ELK3: variants seen among roughly 807,000 people sequenced by gnomAD.
The protein encoded by ELK3 is ETS transcription factor ELK3.
Under a neutral mutation model 28.9 loss-of-function variants are expected in ELK3, and 10 were observed. The ratio of observed to expected loss-of-function variants is 0.35; its 90% CI spans 0.21 to 0.59. The LOEUF is 0.59. Among genes scored for constraint, ELK3 ranks in the 20% least tolerant of loss-of-function variants. ELK3 has a pLI of 0.82. For missense variants in ELK3, 463 were observed against 517.3 expected (o/e 0.90, Z 1.02); for synonymous variants, 272 against 243.5 (o/e 1.12, Z -1.09).
At chr12:96,231,313 G>A (rs550925864) in intron 2 of ELK3, among the ~76,000 whole-genome samples, 63 of 152,174 alleles carry the variant, frequency 4.1e-4, no homozygotes, top group Non-Finnish European at 5.3e-4. Context: ...TTATTAACAA[G>A]CTAACAAGTC....
chr12:96,246,586 A>G (rs1356839257), intron 2 of ELK3, among the ~76,000 whole-genome samples: 2 of 152,150 alleles, frequency 1.3e-5, no homozygotes, highest in African/African-American at 4.8e-5. Flanking sequence ...GCTTGAGTCC[A>G]GGAGGTTGAG....
chr12:96,221,885 A>C (rs978903256), intron 1 of ELK3, among the ~76,000 whole-genome samples: 4 of 152,132 alleles, frequency 2.6e-5, no homozygotes, highest in African/African-American at 9.7e-5. Flanking sequence ...CTTTCCTTTA[A>C]TTGAGAGGAG....
intron 2 of ELK3, 73 bp from the exon 3 acceptor site, chr12:96,246,867 T>TA: frequency 1.4e-6 from 2 of 1,458,494 alleles, no homozygotes; most frequent in Non-Finnish European, 1.8e-6. Context: ...CAGCGACATT[T>TA]ACCATTATCA....
At chr12:96,241,426 TTGTGTGTGTGTGTGTGTGTGTG>T (rs57658963) in intron 2 of ELK3, among the ~76,000 whole-genome samples, 42 of 146,446 alleles carry the variant, frequency 2.9e-4, no homozygotes, top group South Asian at 1.3e-3. Flanking sequence ...AGTGGAGCGT[TTGTGTGTGTGTGTGTGTGTGTG>T]TGTGTGTGTG....
At chr12:96,211,168 T>C (rs910079480) in intron 1 of ELK3, among the ~76,000 whole-genome samples, 7 of 152,216 alleles carry the variant, frequency 4.6e-5, no homozygotes, top group African/African-American at 1.7e-4. Flanking sequence ...TAGTAAGTGG[T>C]CATCAAATTT....
intron 2 of ELK3, 84 bp downstream of exon 2, chr12:96,223,857 G>T: frequency 7.4e-7 from 1 of 1,358,268 alleles, no homozygotes; most frequent in Non-Finnish European, 1.0e-6. Flanking sequence ...AAATAATAGC[G>T]TGCTATGAAT....
intron 1 of ELK3, among the ~76,000 whole-genome samples, chr12:96,201,671 T>C (rs949949257): frequency 3.3e-5 from 5 of 152,062 alleles, no homozygotes; most frequent in African/African-American, 1.2e-4. Flanking sequence ...TACTGCTATA[T>C]TTGGAGGAAA....
chr12:96,224,879 C>A (rs989187447), intron 2 of ELK3, among the ~76,000 whole-genome samples: 9 of 152,064 alleles, frequency 5.9e-5, no homozygotes, highest in Non-Finnish European at 1.3e-4. Context: ...TAGGGTATGC[C>A]GTCTGCCAAC....
intron 2 of ELK3, among the ~76,000 whole-genome samples, chr12:96,230,933 GA>G (rs2137020665): frequency 6.6e-6 from 1 of 152,332 alleles, no homozygotes; most frequent in South Asian, 2.1e-4. Flanking sequence ...ATAATTCCAA[GA>G]AAGGAGTGAT....
At chr12:96,244,934 C>A (rs1016481232) in intron 2 of ELK3, among the ~76,000 whole-genome samples, 8 of 152,164 alleles carry the variant, frequency 5.3e-5, no homozygotes, top group African/African-American at 1.9e-4. Flanking sequence ...AAGGGCTGTT[C>A]AGCTTCGAGT....
intron 2 of ELK3, among the ~76,000 whole-genome samples, chr12:96,230,061 G>A (rs1005979366): frequency 2.0e-5 from 3 of 152,120 alleles, no homozygotes; most frequent in Non-Finnish European, 4.4e-5. Flanking sequence ...AGTGGGCCAC[G>A]TATATAACAG....
chr12:96,203,730 T>C (rs1251899217), intron 1 of ELK3, among the ~76,000 whole-genome samples: 1 of 152,140 alleles, frequency 6.6e-6, no homozygotes, highest in Non-Finnish European at 1.5e-5. Flanking sequence ...CACTTGAGGT[T>C]AGAAGTTCGA....
At chr12:96,236,970 C>G (rs7975154) in intron 2 of ELK3, among the ~76,000 whole-genome samples, 103,675 of 152,004 alleles carry the variant, frequency 0.68, 36,922 homozygotes, top group East Asian at 1. Context: ...CCTTGACTTG[C>G]AGCTGCCTCA....
intron 3 of ELK3, among the ~76,000 whole-genome samples, chr12:96,256,383 C>T (rs1415900088): frequency 6.6e-6 from 1 of 152,128 alleles, no homozygotes; most frequent in Admixed American, 6.6e-5. Flanking sequence ...ATAGTTTGCA[C>T]TCTCGGTCAG....
At chr12:96,251,788 G>T (rs1256957723) in intron 3 of ELK3, among the ~76,000 whole-genome samples, 1 of 152,190 alleles carries the variant, frequency 6.6e-6, no homozygotes, top group African/African-American at 2.4e-5. Context: ...CAGAAGAAAA[G>T]TGTGAAGCTA....
intron 1 of ELK3, among the ~76,000 whole-genome samples, chr12:96,211,153 G>A (rs1237702152): frequency 1.3e-5 from 2 of 152,100 alleles, no homozygotes; most frequent in Admixed American, 1.3e-4. Flanking sequence ...ACAATTCCTG[G>A]TACATAGTAA....
At chr12:96,220,447 G>A (rs2268506) in intron 1 of ELK3, among the ~76,000 whole-genome samples, 52,499 of 147,272 alleles carry the variant, frequency 0.36, 9,897 homozygotes, top group East Asian at 0.59. Context: ...GAGTGCAGTG[G>A]CGCGATCTTG....
At chr12:96,262,074 AGTGGT>A (rs1951997527) in intron 4 of ELK3, among the ~76,000 whole-genome samples, 2 of 146,664 alleles carry the variant, frequency 1.4e-5, no homozygotes, top group Non-Finnish European at 3.0e-5. Flanking sequence ...GCTGGAGTGC[AGTGGT>A]GTGATCTCTG....
chr12:96,269,166 C>T lies in ELK3; in HGVS notation c.*1986C>T, dbSNP rs747429432. 8 of 152,138 alleles carry T rather than the reference C, an allele frequency of 5.3e-5. No individual in the cohort carries two copies. The highest frequency in any genetic ancestry group is 1.0e-4 in the Non-Finnish European group (7 of 68,022). The allele number at this position is 152,138 out of a possible 1,614,324, so 9.4% of individuals were successfully genotyped here. A position where few individuals can be genotyped will look rare whatever the true frequency, so the allele number is the denominator to read the frequency against. On this transcript the variant is annotated 3_prime_UTR_variant, in exon 5 of 5. Transcript: ENST00000228741. ...TTGGTGCTCAGTCCAATTCTGTCTC[C>T]CCCATGCCTAGCTGTTAAGTAATTA...
Sources: allele counts gnomAD v4.1 joint callset (sites outside exome capture counted in the v4.1 genomes callset), GRCh38; gene constraint gnomAD v4.1.1; transcripts MANE v1.5; gene names NCBI Gene and HGNC (gene_info 2026-07-23, HGNC 2026-07-21).